The following PRR33 variants were observed in gnomAD, a reference collection of about 807,000 sequenced individuals.
PRR33 encodes proline rich 33, also known as proline-rich protein 33.
PRR33 carries 1 observed loss-of-function variant against 0.5 expected under a neutral mutation model. That is an observed-to-expected ratio of 2.18 (90% CI 0.77 to 10.34). The LOEUF (loss-of-function observed/expected upper bound fraction) is 10.34, where lower values mean the gene tolerates loss of function less well. Among genes scored for constraint, PRR33 ranks in the 30% most tolerant of loss-of-function variants. The pLI is 0.13. For synonymous variants in PRR33, 226 were observed against 110.0 expected (o/e 2.06, Z -6.60); for missense variants, 552 against 251.8 (o/e 2.19, Z -8.07).
At chr11:1,902,923 G>A in the PRR33 span, among the ~76,000 whole-genome samples, 4 of 152,116 alleles carry the variant, frequency 2.6e-5, no homozygotes, top group African/African-American at 7.2e-5. Context: ...ACTTCCTGAC[G>A]TTGCCACGGC....
exon 1 of PRR33, chr11:1,889,366 G>T: frequency 1.4e-6 from 1 of 709,148 alleles, no homozygotes. Context: ...ACTGACATGC[G>T]GTACAGCACG....
At chr11:1,896,698 G>A (rs889990860), upstream of PRR33, among the ~76,000 whole-genome samples, 2 of 152,178 alleles carry the variant, frequency 1.3e-5, no homozygotes, top group Admixed American at 6.5e-5. Context: ...TGATGAGGGC[G>A]GACATCCCAG....
the PRR33 span, among the ~76,000 whole-genome samples, chr11:1,917,085 G>T: frequency 2.6e-5 from 4 of 152,238 alleles, no homozygotes; most frequent in African/African-American, 9.6e-5. Flanking sequence ...ATGTGGGGAG[G>T]CAGCTACCTA....
the PRR33 span, among the ~76,000 whole-genome samples, chr11:1,911,417 G>A: frequency 0.016 from 2,444 of 152,152 alleles, 41 homozygotes; most frequent in Non-Finnish European, 0.025. Context: ...ACCCCAGCCT[G>A]GGTGACAGAG....
chr11:1,901,888 T>G, the PRR33 span, among the ~76,000 whole-genome samples: 2 of 152,236 alleles, frequency 1.3e-5, no homozygotes, highest in African/African-American at 2.4e-5. Context: ...AGCCGTTGAA[T>G]GTCAGAAAGG....
At chr11:1,915,290 A>G in the PRR33 span, among the ~76,000 whole-genome samples, 151,334 of 151,508 alleles carry the variant, frequency 1, 75,580 homozygotes, top group Middle Eastern at 1. Flanking sequence ...GGATGATGTT[A>G]TTCTCTGTGT....
exon 1 of PRR33, chr11:1,890,818 C>A: frequency 1.7e-6 from 1 of 574,128 alleles, no homozygotes; most frequent in Admixed American, 3.0e-5. Context: ...GCCACAGAGG[C>A]CGAGTCCCTC....
the PRR33 span, among the ~76,000 whole-genome samples, chr11:1,907,586 A>G: frequency 1.3e-5 from 2 of 152,138 alleles, no homozygotes; most frequent in Non-Finnish European, 2.9e-5. Context: ...TTATTTTTTT[A>G]TATTTTTAGT....
At chr11:1,912,004 A>G in the PRR33 span, among the ~76,000 whole-genome samples, 1 of 144,238 alleles carries the variant, frequency 6.9e-6, no homozygotes, top group Admixed American at 6.9e-5. Flanking sequence ...ATCTCTAAAA[A>G]AAAAAAAAAA....
chr11:1,911,913 C>T, the PRR33 span, among the ~76,000 whole-genome samples: 1 of 148,218 alleles, frequency 6.7e-6, no homozygotes, highest in East Asian at 2.0e-4. Context: ...GTAATCCCAG[C>T]ACTTTGGGAG....
the PRR33 span, among the ~76,000 whole-genome samples, chr11:1,907,472 C>T: frequency 1.3e-5 from 2 of 152,188 alleles, no homozygotes; most frequent in Non-Finnish European, 2.9e-5. Context: ...AGTGCAGTGG[C>T]GCAATCTTGG....
At chr11:1,889,332 G>C in exon 1 of PRR33, 1 of 710,730 alleles carries the variant, frequency 1.4e-6, no homozygotes, top group South Asian at 1.5e-5. Context: ...GCTGGGCCCT[G>C]CCAGGCGCCC....
At chr11:1,898,299 T>C in the PRR33 span, among the ~76,000 whole-genome samples, 1 of 151,904 alleles carries the variant, frequency 6.6e-6, no homozygotes. Context: ...GCGCCAGCCA[T>C]GTCTCGGCTC....
chr11:1,901,730 C>T, the PRR33 span, among the ~76,000 whole-genome samples: 1 of 152,122 alleles, frequency 6.6e-6, no homozygotes, highest in African/African-American at 2.4e-5. Flanking sequence ...AAGCAAGGCC[C>T]AGTGAAGACA....
chr11:1,917,481 C>T, the PRR33 span, among the ~76,000 whole-genome samples: 1 of 152,218 alleles, frequency 6.6e-6, no homozygotes, highest in African/African-American at 2.4e-5. Flanking sequence ...GTGGTCCGTC[C>T]TCAGACTCCT....
the PRR33 span, among the ~76,000 whole-genome samples, chr11:1,903,702 G>A: frequency 6.6e-6 from 1 of 152,188 alleles, no homozygotes; most frequent in African/African-American, 2.4e-5. Flanking sequence ...CGAGCCAGAA[G>A]GTGCTCGGTT....
the PRR33 span, among the ~76,000 whole-genome samples, chr11:1,906,927 A>G: frequency 6.6e-6 from 1 of 152,174 alleles, no homozygotes; most frequent in Non-Finnish European, 1.5e-5. Context: ...GGAGACCCCC[A>G]GCTCTGTCTC....
chr11:1,916,918 G>A, the PRR33 span, among the ~76,000 whole-genome samples: 1 of 152,190 alleles, frequency 6.6e-6, no homozygotes, highest in East Asian at 1.9e-4. Flanking sequence ...CCCTGGCCAG[G>A]GATGGCAGAT....
chr11:1,894,580 C>T (rs1289251785), upstream of PRR33, among the ~76,000 whole-genome samples: 3 of 152,212 alleles, frequency 2.0e-5, no homozygotes, highest in Admixed American at 6.5e-5. Context: ...TCCTGCAGCA[C>T]GCACGCACTC....
Sources: allele counts gnomAD v4.1 joint callset (sites outside exome capture counted in the v4.1 genomes callset), GRCh38; gene constraint gnomAD v4.1.1; transcripts MANE v1.5; gene names NCBI Gene and HGNC (gene_info 2026-07-23, HGNC 2026-07-21).